TBC1D1: variants seen among roughly 807,000 people sequenced by gnomAD.
The protein encoded by TBC1D1 is TBC1 domain family member 1.
In TBC1D1, 89 loss-of-function variants were observed where a neutral mutation model predicts 125.6. The observed-to-expected ratio is 0.71, with a 90% CI of 0.60 to 0.85. The LOEUF is 0.85. TBC1D1 is among the 40% of genes least tolerant of loss of function. The probability of loss-of-function intolerance (pLI) is 0.00; values close to 1 mark genes in which losing one functional copy is unlikely to be tolerated. For missense variants in TBC1D1, 1,377 were observed against 1,469.2 expected (o/e 0.94, Z 1.03); for synonymous variants, 565 against 564.1 (o/e 1.00, Z -0.02).
intron 2 of TBC1D1, among the ~76,000 whole-genome samples, chr4:38,010,854 C>T (rs924859718): frequency 3.3e-5 from 5 of 152,190 alleles, no homozygotes; most frequent in African/African-American, 9.7e-5. Context: ...CCTCCTCCTC[C>T]GGGCAGGGAC....
chr4:37,952,559 A>G (rs1297901641), intron 2 of TBC1D1: 1 of 161,638 alleles, frequency 6.2e-6, no homozygotes, highest in Non-Finnish European at 1.4e-5. Flanking sequence ...GTTCTCATTT[A>G]TAAGTGGGAG....
At chr4:38,117,520 A>T (rs1316605735) in intron 16 of TBC1D1, among the ~76,000 whole-genome samples, 2 of 152,220 alleles carry the variant, frequency 1.3e-5, no homozygotes. Context: ...TCCATATATT[A>T]TACACCAAAA....
intron 2 of TBC1D1, among the ~76,000 whole-genome samples, chr4:37,917,581 G>A (rs1720002246): frequency 6.6e-6 from 1 of 152,188 alleles, no homozygotes; most frequent in Non-Finnish European, 1.5e-5. Flanking sequence ...GAGGAGCCAT[G>A]GGAGGCCGCA....
chr4:38,074,161 T>A (rs1392993837), intron 12 of TBC1D1, among the ~76,000 whole-genome samples: 1 of 152,184 alleles, frequency 6.6e-6, no homozygotes, highest in Non-Finnish European at 1.5e-5. Context: ...CACACCTCAC[T>A]GGGCAGCTCT....
chr4:38,055,291 C>T (rs192243056), intron 12 of TBC1D1, among the ~76,000 whole-genome samples: 6 of 152,282 alleles, frequency 3.9e-5, no homozygotes, highest in Non-Finnish European at 5.9e-5. Flanking sequence ...GTAACCAAAG[C>T]GTGGGCTTCG....
At chr4:37,961,789 A>G (rs992461558) in intron 2 of TBC1D1, among the ~76,000 whole-genome samples, 2 of 152,218 alleles carry the variant, frequency 1.3e-5, no homozygotes, top group African/African-American at 2.4e-5. Context: ...GCTATTTAAG[A>G]ACCATCAAAG....
intron 2 of TBC1D1, among the ~76,000 whole-genome samples, chr4:37,918,647 C>G (rs942218930): frequency 2.0e-4 from 30 of 152,132 alleles, no homozygotes; most frequent in African/African-American, 7.0e-4. Flanking sequence ...GGGTTTTCAC[C>G]ATGTTTGCCA....
At chr4:37,996,716 T>TA (rs1737886404) in intron 2 of TBC1D1, among the ~76,000 whole-genome samples, 1 of 152,272 alleles carries the variant, frequency 6.6e-6, no homozygotes, top group South Asian at 2.1e-4. Context: ...TGAATTAGTG[T>TA]AATTTTTCTG....
intron 15 of TBC1D1, among the ~76,000 whole-genome samples, chr4:38,105,001 C>T (rs965415390): frequency 7.2e-5 from 11 of 152,044 alleles, no homozygotes; most frequent in East Asian, 1.9e-4. Flanking sequence ...GTGATCCTCC[C>T]GCCTTGGCCT....
At chr4:38,007,540 A>G (rs1740579917) in intron 2 of TBC1D1, among the ~76,000 whole-genome samples, 1 of 152,204 alleles carries the variant, frequency 6.6e-6, no homozygotes, top group African/African-American at 2.4e-5. Flanking sequence ...GGTGTGAACC[A>G]CTACTCCCTG....
At position 37,995,591 on chromosome 4, in the gene TBC1D1, C is replaced by T. The variant is rs1049105082; in HGVS notation, c.418-18918C>T. ...AGCTCAGCACAGAAGGCCTTCAGGT[C>T]CAGTACCCTGGCCTTGACCTCCCCA... On this transcript the variant is annotated intron_variant, in intron 2 of 19. Coordinates refer to ENST00000261439, the MANE Select transcript of TBC1D1 (RefSeq NM_015173.4). The surrounding 1 kb of genome is among the most constrained non-coding windows in gnomAD (Gnocchi z 4.3). The T allele has an allele frequency of 1.5e-5, 7 of 465,490 alleles. No homozygotes were observed. Among genetic ancestry groups the T allele is most frequent in the East Asian group, 5.5e-5 (1 of 18,028 alleles). 28.8% of individuals were successfully genotyped at this position (465,490 alleles called of 1,614,324 possible).
intron 2 of TBC1D1, among the ~76,000 whole-genome samples, chr4:37,916,919 T>C (rs1033275345): frequency 1.3e-5 from 2 of 151,954 alleles, no homozygotes; most frequent in African/African-American, 4.8e-5. Context: ...TAGAGGCACA[T>C]GCTACCACGC....
intron 12 of TBC1D1, among the ~76,000 whole-genome samples, chr4:38,060,846 A>G (rs572048793): frequency 1.1e-3 from 170 of 152,330 alleles, no homozygotes; most frequent in African/African-American, 3.8e-3. Context: ...AGTTCTAACA[A>G]GCTCCCCAGT....
intron 1 of TBC1D1, among the ~76,000 whole-genome samples, chr4:37,899,790 A>AGCCTT (rs1715443120): frequency 6.6e-6 from 1 of 152,214 alleles, no homozygotes; most frequent in East Asian, 1.9e-4. Context: ...GGAAAGAAAC[A>AGCCTT]ACCAGAAAGG....
chr4:38,052,726 G>GCACACACACA (rs1246402585), intron 11 of TBC1D1, among the ~76,000 whole-genome samples: 6 of 68,996 alleles, frequency 8.7e-5, no homozygotes, highest in East Asian at 4.4e-4. Context: ...GCGCGCGCGC[G>GCACACACACA]CGCACACACA....
At chr4:37,994,555 CATTTTTGAGAAGAGT>C (rs1399715924) in intron 2 of TBC1D1, among the ~76,000 whole-genome samples, 3 of 152,184 alleles carry the variant, frequency 2.0e-5, no homozygotes, top group African/African-American at 7.2e-5. Context: ...CTTTCTTTCC[CATTTTTGAGAAGAGT>C]GGAGCTAATG....
intron 2 of TBC1D1, among the ~76,000 whole-genome samples, chr4:37,981,376 A>C (rs908477529): frequency 2.0e-5 from 3 of 152,242 alleles, no homozygotes; most frequent in African/African-American, 7.2e-5. Context: ...GTCATTTAAC[A>C]AATGTGTTCA....
intron 2 of TBC1D1, among the ~76,000 whole-genome samples, chr4:37,903,363 G>A (rs1370249404): frequency 6.6e-6 from 1 of 152,178 alleles, no homozygotes; most frequent in African/African-American, 2.4e-5. Context: ...AAAATATAAT[G>A]CAAATAGCAA....
At chr4:37,976,746 C>G (rs1224138735) in intron 2 of TBC1D1, among the ~76,000 whole-genome samples, 2 of 152,064 alleles carry the variant, frequency 1.3e-5, no homozygotes, top group Non-Finnish European at 2.9e-5. Context: ...CATCATCTTG[C>G]CTTGGGAGAG....
Sources: allele counts gnomAD v4.1 joint callset (sites outside exome capture counted in the v4.1 genomes callset), GRCh38; gene constraint gnomAD v4.1.1; non-coding constraint Gnocchi (gnomAD v3.1); transcripts MANE v1.5; gene names NCBI Gene and HGNC (gene_info 2026-07-23, HGNC 2026-07-21).